The following AP1G1 variants were observed in gnomAD, a reference collection of about 807,000 sequenced individuals.
AP1G1 encodes AP-1 complex subunit gamma-1.
Under a neutral mutation model 108.3 loss-of-function variants are expected in AP1G1, and 7 were observed. That is an observed-to-expected ratio of 0.06 (90% CI 0.04 to 0.12). The LOEUF is 0.12. AP1G1 is among the 10% of genes least tolerant of loss of function. The pLI, the probability that AP1G1 is intolerant of heterozygous loss-of-function variation, is 1.00. For synonymous variants in AP1G1, 379 were observed against 353.5 expected, an observed-to-expected ratio of 1.07 and a Z score of -0.81; for missense variants, 756 against 1,010.7, an observed-to-expected ratio of 0.75 and a Z score of 3.42.
intron 11 of AP1G1, chr16:71,756,457 G>A (rs2030789635): frequency 4.0e-6 from 1 of 252,980 alleles, no homozygotes; most frequent in Non-Finnish European, 7.4e-6. Context: ...AAAGGTGGAA[G>A]TTAGAATACC....
Position 71,739,151 on chromosome 16 carries a change from G to A in AP1G1, c.2108-49C>T, listed in dbSNP as rs115017396. The A allele has an allele frequency of 3.8e-4, 619 of 1,610,626 alleles. 4 individuals are homozygous for A. The African/African-American group carries it at 7.1e-3, about 18-fold the overall frequency. On this transcript the variant is annotated intron_variant, in intron 20 of 22. Transcript: ENST00000299980. Reference sequence around the variant, plus strand: ...TCTTATTGTAGTCAGCCTAATGCTTGCAGAATTATTACTTCTTTTTCTTAA... The same window carrying A: ...TCTTATTGTAGTCAGCCTAATGCTTACAGAATTATTACTTCTTTTTCTTAA...
At chr16:71,791,809 T>A (rs1352629860) in intron 1 of AP1G1, among the ~76,000 whole-genome samples, 2 of 144,636 alleles carry the variant, frequency 1.4e-5, no homozygotes, top group Non-Finnish European at 3.0e-5. Context: ...TTGCCCAGGC[T>A]GGAGTGCAAT....
intron 16 of AP1G1, chr16:71,746,987 T>C (rs1005421194): frequency 4.3e-5 from 8 of 187,802 alleles, no homozygotes; most frequent in Admixed American, 1.2e-4. Context: ...TAAACTTTGC[T>C]AGACAAAAGT....
In AP1G1 at chr16:71,792,249, C is replaced by T. The variant is rs1257461008; in HGVS notation, c.-3-2767G>A. ...GTTTCAGTATGGCAGGTTGAAAGAC[C>T]GTGCCCTCCAAACACAGGCAGGTCA... On this transcript the variant is annotated intron_variant, in intron 1 of 22. Transcript: ENST00000299980. Among the ~76,000 whole-genome samples, 29 of 152,026 alleles carry T rather than the reference C, an allele frequency of 1.9e-4. 1 individual carries two copies. Among genetic ancestry groups the T allele is most frequent in the Admixed American group, 1.7e-3 (26 of 15,248 alleles).
In AP1G1 at chr16:71,739,354, T is replaced by C. The variant is rs776435404; in HGVS notation, c.2000-13A>G. 6.4e-7 allele frequency: 1 copy of C among 1,569,478 alleles called. No homozygotes were observed. On this transcript the variant is annotated splice_polypyrimidine_tract_variant and intron_variant, in intron 19 of 22. Transcript: ENST00000299980. ...GCAGCTGGAGCACCTAAAGGAAATA[T>C]TTTAATGGAAAGTTAACCTTAGGCA...
At chr16:71,780,083 T>A (rs960875873) in intron 2 of AP1G1, among the ~76,000 whole-genome samples, 12 of 147,102 alleles carry the variant, frequency 8.2e-5, no homozygotes, top group Admixed American at 2.8e-4. Flanking sequence ...AACCTCTGCC[T>A]CCTGGGTTCA....
At chr16:71,794,866 C>CTTTTTTTTTTTTTTTTTTTTT (rs2032528877) in intron 1 of AP1G1, among the ~76,000 whole-genome samples, 68 of 46,632 alleles carry the variant, frequency 1.5e-3, no homozygotes, top group Non-Finnish European at 1.8e-3. Flanking sequence ...TTTTTTTTTA[C>CTTTTTTTTTTTTTTTTTTTTT]TTTGAAATGC....
chr16:71,739,742 G>A (rs1473426222), intron 19 of AP1G1, among the ~76,000 whole-genome samples: 1 of 144,262 alleles, frequency 6.9e-6, no homozygotes, highest in African/African-American at 2.6e-5. Flanking sequence ...GCGAGACTCT[G>A]TCGCAAAAAA....
At chr16:71,742,519 G>A (rs1270560481) in intron 19 of AP1G1, 1 of 152,082 alleles carries the variant, frequency 6.6e-6, no homozygotes, top group Non-Finnish European at 1.5e-5. Context: ...ATAGGTCAAT[G>A]GGCCTCACAA....
intron 6 of AP1G1, chr16:71,766,459 T>A (rs1380963523): frequency 2.1e-6 from 1 of 465,752 alleles, no homozygotes; most frequent in Non-Finnish European, 4.4e-6. Flanking sequence ...GTTGATCAAT[T>A]ACTTGATATT....
chr16:71,773,329 C>T lies in AP1G1; in HGVS notation c.360G>A (p.Gly120=). Reference sequence around the variant, plus strand: ...TGCAGCCGAGGGTACAAAGTGCTAACCCCTGTACGAATTGCGTGCTATGAT... The same window carrying T: ...TGCAGCCGAGGGTACAAAGTGCTAATCCCTGTACGAATTGCGTGCTATGAT... The part of the protein sequence containing the change: ...DLNHSTQFVQ[G]LALCTLGCMG... Residue 120 remains glycine, a synonymous_variant, in exon 4 of 23, where the codon GGG becomes GGA. Coordinates refer to ENST00000299980, the MANE Select transcript of AP1G1 (RefSeq NM_001128.6). 3.8e-6 allele frequency: 6 copies of T among 1,568,216 alleles called. No individual in the cohort carries two copies. The highest frequency in any genetic ancestry group is 1.4e-5 in the African/African-American group (1 of 72,330).
At chr16:71,786,554 G>A (rs1054691722) in intron 2 of AP1G1, among the ~76,000 whole-genome samples, 2 of 151,986 alleles carry the variant, frequency 1.3e-5, no homozygotes, top group Non-Finnish European at 2.9e-5. Context: ...TGTACCTCCC[G>A]GATTCAAACG....
At chr16:71,804,883 C>G (rs1285941293) in intron 1 of AP1G1, among the ~76,000 whole-genome samples, 1 of 152,078 alleles carries the variant, frequency 6.6e-6, no homozygotes, top group Non-Finnish European at 1.5e-5. Context: ...CGGCACATGC[C>G]TACAGTCCCA....
At chr16:71,755,350 T>A (rs1306949878) in intron 12 of AP1G1, among the ~76,000 whole-genome samples, 2 of 151,768 alleles carry the variant, frequency 1.3e-5, no homozygotes, top group Non-Finnish European at 2.9e-5. Flanking sequence ...GGCAGGAGGA[T>A]CCCCTGAACC....
intron 14 of AP1G1, 108 bp from the exon 15 acceptor site, chr16:71,750,091 A>C: frequency 6.8e-7 from 1 of 1,461,228 alleles, no homozygotes; most frequent in Non-Finnish European, 9.5e-7. Context: ...GCATATCTAG[A>C]GTGTTAGAAA....
chr16:71,802,651 AC>A (rs1409165385), intron 1 of AP1G1, among the ~76,000 whole-genome samples: 3 of 150,928 alleles, frequency 2.0e-5, no homozygotes, highest in African/African-American at 7.3e-5. Context: ...AATCGCTTGA[AC>A]CCAGGAGGCG....
intron 21 of AP1G1, among the ~76,000 whole-genome samples, chr16:71,738,675 T>C (rs1597033538): frequency 6.6e-6 from 1 of 152,242 alleles, no homozygotes; most frequent in East Asian, 1.9e-4. Flanking sequence ...CATTAACTGA[T>C]CACCTCGTAG....
chr16:71,736,134 A>G (rs2045537171), intron 21 of AP1G1, among the ~76,000 whole-genome samples: 1 of 132,326 alleles, frequency 7.6e-6, no homozygotes, highest in African/African-American at 2.8e-5. Flanking sequence ...ATATATATAT[A>G]TATATATATA....
chr16:71,776,205 T>A lies in AP1G1; in HGVS notation c.202-1613A>T, dbSNP rs1274465604. Among the ~76,000 whole-genome samples the A allele has an allele frequency of 3.9e-5, 6 of 152,304 alleles. No homozygotes were observed. In the East Asian group the frequency reaches 9.6e-4, roughly 24 times the overall value. On this transcript the variant is annotated intron_variant, in intron 2 of 22. Coordinates refer to ENST00000299980, the MANE Select transcript of AP1G1 (RefSeq NM_001128.6). ...GTGAAATTGAGGAAAGTAAAACAGT[T>A]CCACAGAGTTGTTTCAAGCTATTTA...
Sources: allele counts gnomAD v4.1 joint callset (sites outside exome capture counted in the v4.1 genomes callset), GRCh38; gene constraint gnomAD v4.1.1; transcripts MANE v1.5; gene names NCBI Gene and HGNC (gene_info 2026-07-23, HGNC 2026-07-21).